Variants in RNF170 observed in about 807,000 individuals in gnomAD.
RNF170 encodes the protein E3 ubiquitin-protein ligase RNF170.
A neutral mutation model predicts 32.7 loss-of-function variants in RNF170; 12 were observed. That is an observed-to-expected ratio of 0.37 (90% CI 0.24 to 0.60). RNF170 has a LOEUF of 0.60. Ranked by LOEUF, RNF170 falls within the 20% of genes least tolerant of loss-of-function variation. RNF170 has a pLI of 0.72. For missense variants in RNF170, 212 were observed against 311.2 expected, an observed-to-expected ratio of 0.68 and a Z score of 2.40; for synonymous variants, 91 against 103.6, an observed-to-expected ratio of 0.88 and a Z score of 0.74.
chr8:42,895,384 T>C (rs754178202), intron 1 of RNF170, among the ~76,000 whole-genome samples: 14 of 152,092 alleles, frequency 9.2e-5, no homozygotes, highest in South Asian at 2.1e-4. Context: ...AAACCTACTC[T>C]TAATGGAAAA....
intron 2 of RNF170, among the ~76,000 whole-genome samples, chr8:42,880,944 T>C (rs1805346208): frequency 6.6e-6 from 1 of 151,956 alleles, no homozygotes; most frequent in South Asian, 2.1e-4. Flanking sequence ...ATAATTAAAG[T>C]ATGTACATTG....
rs1043769825 is a variant in RNF170 at position 42,854,923 on chromosome 8, A to G, written c.*1236T>C. The G allele has an allele frequency of 7.8e-7, 1 of 1,287,250 alleles. No individual in the cohort carries two copies. Among genetic ancestry groups the G allele is most frequent in the Non-Finnish European group, 1.0e-6 (1 of 988,698 alleles). The allele number at this position is 1,287,250 out of a possible 1,614,324, so 79.7% of individuals were successfully genotyped here. A position where few individuals can be genotyped will look rare whatever the true frequency, so the allele number is the denominator to read the frequency against. On this transcript the variant is annotated 3_prime_UTR_variant, in exon 7 of 7. Coordinates refer to ENST00000527424, the MANE Select transcript of RNF170 (RefSeq NM_030954.4). ...TGCTGCCATCCTGAGACAGTATTAT[A>G]AAAATTTCTGACAACAGAAAACTAA... is the stretch of plus-strand genomic sequence containing the variant.
intron 6 of RNF170, among the ~76,000 whole-genome samples, chr8:42,856,992 A>G (rs1407756237): frequency 2.0e-5 from 3 of 152,268 alleles, no homozygotes. Context: ...AAAGACCTTT[A>G]TAACTTGCCA....
rs572926975 is a variant in RNF170, at chr8:42,870,038, G to A, written c.288C>T (p.Phe96=). ...YCPICLHQAS[F]PVETNCGHLF... ...GATGTCCACAGTTGGTCTCCACCGG[G>A]AAGGAGGCTTGGTGCAGGCAGATGG... The change falls in exon 4 of 7, where the codon TTC becomes TTT. Residue 96 remains phenylalanine, a synonymous_variant. Transcript: ENST00000527424. 6 of 1,614,198 alleles carry A rather than the reference G, an allele frequency of 3.7e-6. No individual in the cohort carries two copies. In the African/African-American group the frequency reaches 8.0e-5, roughly 22 times the overall value.
At chr8:42,863,289 A>G (rs1244260392) in intron 5 of RNF170, among the ~76,000 whole-genome samples, 1 of 152,090 alleles carries the variant, frequency 6.6e-6, no homozygotes, top group Non-Finnish European at 1.5e-5. Context: ...ACCACTGGCT[A>G]CTGTACACAT....
chr8:42,882,560 C>T (rs1461794788), intron 2 of RNF170, among the ~76,000 whole-genome samples: 2 of 152,088 alleles, frequency 1.3e-5, no homozygotes, highest in African/African-American at 2.4e-5. Flanking sequence ...AATTCTAATA[C>T]GTGTTACAAC....
intron 1 of RNF170, among the ~76,000 whole-genome samples, chr8:42,892,674 G>GTTTTTT (rs559187435): frequency 7.6e-6 from 1 of 130,892 alleles, no homozygotes; most frequent in Non-Finnish European, 1.7e-5. Context: ...CTGTTGCAGC[G>GTTTTTT]TTTTTTTTTT....
At chr8:42,887,563 A>G (rs1277029560) in intron 2 of RNF170, among the ~76,000 whole-genome samples, 165 bp downstream of exon 2, 1 of 152,252 alleles carries the variant, frequency 6.6e-6, no homozygotes, top group Non-Finnish European at 1.5e-5. Context: ...GACAGGAAAT[A>G]TATGTTAGCA....
Position 42,854,491 on chromosome 8 carries a change from A to G in RNF170, c.*1668T>C. 1.6e-6 allele frequency: 2 copies of G among 1,286,610 alleles called. No homozygotes were observed. The highest frequency in any genetic ancestry group is 1.2e-5 in the South Asian group (1 of 80,916). The allele number at this position is 1,286,610 out of a possible 1,614,324, so 79.7% of individuals were successfully genotyped here. On this transcript the variant is annotated 3_prime_UTR_variant, in exon 7 of 7. Transcript: ENST00000527424. ...GGATAAAATGAAAAGTATGTGAGAA[A>G]CCTGCTTTAATTATAATGTGCTATG...
chr8:42,893,920 A>C (rs2130229299), intron 1 of RNF170, among the ~76,000 whole-genome samples: 1 of 152,280 alleles, frequency 6.6e-6, no homozygotes, highest in Admixed American at 6.5e-5. Context: ...AACTAACCGG[A>C]GTAACCAGAC....
At chr8:42,858,763 T>C (rs1394625903) in intron 6 of RNF170, among the ~76,000 whole-genome samples, 1 of 152,134 alleles carries the variant, frequency 6.6e-6, no homozygotes, top group Non-Finnish European at 1.5e-5. Context: ...GGAGTTTGTG[T>C]GTGTGCTGAG....
chr8:42,854,005 C>G lies in RNF170; in HGVS notation c.*2154G>C. ...AAAATGACATCACCATTCCCCCACA[C>G]CAAATGTGTAATTGGTAGGAAATGC... is the stretch of plus-strand genomic sequence containing the variant. On this transcript the variant is annotated 3_prime_UTR_variant, in exon 7 of 7. Transcript: ENST00000527424. 7.8e-7 allele frequency: 1 copy of G among 1,287,148 alleles called. No individual in the cohort carries two copies. The highest frequency in any genetic ancestry group is 1.0e-6 in the Non-Finnish European group (1 of 988,646). The allele number at this position is 1,287,148 out of a possible 1,614,324, so 79.7% of individuals were successfully genotyped here.
rs1426761857 is a variant in RNF170, at chr8:42,887,810, T to C, written c.55A>G (p.Ile19Val). The change falls in exon 2 of 7, where the codon ATA becomes GTA. Residue 19 changes from isoleucine (I) to valine (V), a missense_variant. Ile to Val is a conservative substitution (Grantham distance 29, BLOSUM62 3). Coordinates refer to ENST00000527424, the MANE Select transcript of RNF170 (RefSeq NM_030954.4). ...AGTACTTGGTCGCTTACTCCTTCTATAACTGAATCATCATCCAGTTTCAAA... is the reference window on the plus strand; with the variant it reads ...AGTACTTGGTCGCTTACTCCTTCTACAACTGAATCATCATCCAGTTTCAAA... ...QSLKLDDDSV[I>V]EGVSDQVLVA... 1.2e-6 allele frequency: 2 copies of C among 1,613,422 alleles called. No homozygotes were observed. Among genetic ancestry groups the C allele is most frequent in the South Asian group, 1.1e-5 (1 of 91,090 alleles).
intron 6 of RNF170, among the ~76,000 whole-genome samples, chr8:42,860,045 A>G (rs940329200): frequency 1.3e-5 from 2 of 152,212 alleles, no homozygotes; most frequent in African/African-American, 4.8e-5. Flanking sequence ...GGAATGAAGA[A>G]GAGGAGGAAA....
chr8:42,880,505 C>T (rs2128944806), intron 2 of RNF170, among the ~76,000 whole-genome samples: 1 of 152,344 alleles, frequency 6.6e-6, no homozygotes, highest in South Asian at 2.1e-4. Flanking sequence ...GGCGCAGTGG[C>T]TCATGCCTGT....
intron 2 of RNF170, among the ~76,000 whole-genome samples, chr8:42,887,271 G>A (rs571017338): frequency 6.6e-6 from 1 of 152,192 alleles, no homozygotes; most frequent in Non-Finnish European, 1.5e-5. Context: ...CAGCCTGGAC[G>A]ACACATTGAG....
In RNF170 at chr8:42,854,067, T is replaced by C; in HGVS notation, c.*2092A>G. 1 of 1,287,218 alleles carries C rather than the reference T, an allele frequency of 7.8e-7. No individual in the cohort carries two copies. Among genetic ancestry groups the C allele is most frequent in the African/African-American group, 1.5e-5 (1 of 65,922 alleles). The allele number at this position is 1,287,218 out of a possible 1,614,324, so 79.7% of individuals were successfully genotyped here. On this transcript the variant is annotated 3_prime_UTR_variant, in exon 7 of 7. Coordinates refer to ENST00000527424, the MANE Select transcript of RNF170 (RefSeq NM_030954.4). ...GGTACATGGCAGTGTGACAAACTCCTACTCACTCGCTTTTCAAGTTGGTGA... is the reference window on the plus strand; with the variant it reads ...GGTACATGGCAGTGTGACAAACTCCCACTCACTCGCTTTTCAAGTTGGTGA...
chr8:42,888,755 TCCCCCGCCCCCCAACC>T (rs1251980532), intron 1 of RNF170, among the ~76,000 whole-genome samples: 3 of 141,364 alleles, frequency 2.1e-5, no homozygotes, highest in Non-Finnish European at 4.7e-5. Flanking sequence ...CAAGACCCTG[TCCCCCGCCCCCCAACC>T]TCCCCACCCC....
Position 42,865,493 on chromosome 8 carries a change from A to G in RNF170, c.323-4T>C, listed in dbSNP as rs1468921726. The G allele has an allele frequency of 1.9e-6, 3 of 1,611,450 alleles. No individual in the cohort carries two copies. The East Asian group carries it at 6.7e-5, about 36-fold the overall frequency. Reference sequence around the variant, plus strand: ...CAGTAAGCAATAATGCAGGCACCTAATAGACAAAACAAAACAAACACATAA... The same window carrying G: ...CAGTAAGCAATAATGCAGGCACCTAGTAGACAAAACAAAACAAACACATAA... On this transcript the variant is annotated splice_polypyrimidine_tract_variant and splice_region_variant and intron_variant, in intron 4 of 6. Transcript: ENST00000527424.
Sources: allele counts gnomAD v4.1 joint callset (sites outside exome capture counted in the v4.1 genomes callset), GRCh38; gene constraint gnomAD v4.1.1; transcripts MANE v1.5; gene names NCBI Gene and HGNC (gene_info 2026-07-23, HGNC 2026-07-21).